Variants in RC3H2 observed in about 807,000 individuals in gnomAD.
The protein encoded by RC3H2 is ring finger and CCCH-type domains 2.
A neutral mutation model predicts 133.3 loss-of-function variants in RC3H2; 31 were observed. The ratio of observed to expected loss-of-function variants is 0.23; its 90% CI spans 0.17 to 0.31. The LOEUF (loss-of-function observed/expected upper bound fraction) is 0.31. Among genes scored for constraint, RC3H2 ranks in the 10% least tolerant of loss-of-function variants. The pLI is 1.00. For synonymous variants in RC3H2, 517 were observed against 502.2 expected (o/e 1.03, Z -0.40); for missense variants, 1,175 against 1,437.2 (o/e 0.82, Z 2.95).
At chr9:122,871,233 C>A (rs1205903808) in intron 9 of RC3H2, among the ~76,000 whole-genome samples, 1 of 152,180 alleles carries the variant, frequency 6.6e-6, no homozygotes, top group Admixed American at 6.5e-5. Context: ...TCCTCTAAGA[C>A]TTCACTGAGG....
rs533526754 is a variant in RC3H2 at position 122,846,048 on chromosome 9, T to C, written c.*3579A>G. 1.8e-4 allele frequency: 27 copies of C among 152,364 alleles called. No individual in the cohort carries two copies. The highest frequency in any genetic ancestry group is 2.6e-4 in the Non-Finnish European group (18 of 68,030). The allele number at this position is 152,364 out of a possible 1,614,324, so 9.4% of individuals were successfully genotyped here. ...GTTAACAAGACAACATAGGCTTTAA[T>C]GTCTAAAATCCAAAAGCAAACTAGA... On this transcript the variant is annotated 3_prime_UTR_variant, in exon 21 of 21. Coordinates refer to ENST00000357244, the MANE Select transcript of RC3H2 (RefSeq NM_001100588.3).
chr9:122,895,390 A>C (rs1319223763), intron 2 of RC3H2, among the ~76,000 whole-genome samples: 3 of 134,096 alleles, frequency 2.2e-5, no homozygotes, highest in Non-Finnish European at 3.1e-5. Context: ...CTAGTCTCGA[A>C]CTCCTGGCCT....
At chr9:122,883,088 C>G in intron 5 of RC3H2, 116 bp downstream of exon 5, 4 of 943,456 alleles carry the variant, frequency 4.2e-6, no homozygotes, top group Non-Finnish European at 6.3e-6. Flanking sequence ...GGAAAGTTTC[C>G]TCTCAACTCT....
At chr9:122,896,855 T>C in intron 2 of RC3H2, among the ~76,000 whole-genome samples, 1 of 151,466 alleles carries the variant, frequency 6.6e-6, no homozygotes, top group East Asian at 1.9e-4. Context: ...AAACCCCGTC[T>C]CTACTAAAAA....
chr9:122,852,683 G>A (rs1474747150), intron 18 of RC3H2, among the ~76,000 whole-genome samples: 11 of 146,956 alleles, frequency 7.5e-5, no homozygotes, highest in Admixed American at 6.7e-4. Flanking sequence ...GGTGAGGGGC[G>A]CCTCTGCCCT....
chr9:122,901,427 A>G (rs1043109565), intron 1 of RC3H2, among the ~76,000 whole-genome samples: 7 of 152,188 alleles, frequency 4.6e-5, no homozygotes, highest in Non-Finnish European at 8.8e-5. Context: ...GAAACTCAGT[A>G]CTGGAGAAAA....
Position 122,899,632 on chromosome 9 carries a change from T to G in RC3H2, c.-67-2056A>C, listed in dbSNP as rs985311231. 4.3e-4 allele frequency among the ~76,000 whole-genome samples: 65 copies of G among 152,228 alleles called. 1 individual carries two copies. The highest frequency in any genetic ancestry group is 4.4e-5 in the Non-Finnish European group (3 of 68,042). ...AAAACCAATTAGTTTCCTTCCAACTTTAGAGATAAGCACTGAGCAGATGAA... is the reference window on the plus strand; with the variant it reads ...AAAACCAATTAGTTTCCTTCCAACTGTAGAGATAAGCACTGAGCAGATGAA... On this transcript the variant is annotated intron_variant, in intron 1 of 20. Transcript: ENST00000357244.
intron 2 of RC3H2, 77 bp from the exon 3 acceptor site, chr9:122,893,103 A>G: frequency 6.5e-7 from 1 of 1,529,436 alleles, no homozygotes; most frequent in Non-Finnish European, 8.8e-7. Context: ...GTACTTGATA[A>G]TAATCTTGGT....
rs566330451 is a variant in RC3H2 at position 122,880,765 on chromosome 9, T to G, written c.789A>C (p.Leu263=). 1.2e-6 allele frequency: 2 copies of G among 1,613,864 alleles called. No homozygotes were observed. The highest frequency in any genetic ancestry group is 2.2e-5 in the East Asian group (1 of 44,860). ...KVTKRDEDSS[L]MQLKEEFRSY... is the part of the protein sequence containing the mutation. Reference sequence around the variant, plus strand: ...TCCGAAATTCCTCCTTCAGCTGCATTAGGGAAGAGTCTTCATCTCTTTTGG... The same window carrying G: ...TCCGAAATTCCTCCTTCAGCTGCATGAGGGAAGAGTCTTCATCTCTTTTGG... The change falls in exon 6 of 21, where the codon CTA becomes CTC. Residue 263 remains leucine (L), a synonymous_variant. Transcript: ENST00000357244.
intron 10 of RC3H2, among the ~76,000 whole-genome samples, chr9:122,860,376 C>T (rs1194855516): frequency 2.0e-5 from 3 of 149,604 alleles, no homozygotes; most frequent in Non-Finnish European, 3.0e-5. Context: ...CAGATATTAA[C>T]GTGATTCATT....
At chr9:122,896,268 T>C (rs1450592146) in intron 2 of RC3H2, among the ~76,000 whole-genome samples, 1 of 152,324 alleles carries the variant, frequency 6.6e-6, no homozygotes, top group East Asian at 1.9e-4. Context: ...CATTGGTTTT[T>C]GGTTTTCCAT....
Position 122,858,090 on chromosome 9 carries a change from G to T in RC3H2, c.2287C>A (p.Pro763Thr). ...CAACTGGTCTTCAAATGACCACAAG[G>T]TTCCTAATGGGGGATAAAAGAAACA... is the stretch of plus-strand genomic sequence containing the variant. ...PRTTVPLPRE[P>T]CGHLKTSCEE... Residue 763 changes from proline (P) to threonine (T), a missense_variant, in exon 13 of 21, where the codon CCT becomes ACT. Around this residue, in one of 8 missense-constraint regions of RC3H2, gnomAD observed 490 missense variants for 492.8 expected, o/e 0.99. Transcript: ENST00000357244. 1.2e-6 allele frequency: 2 copies of T among 1,613,776 alleles called. No homozygotes were observed. Among genetic ancestry groups the T allele is most frequent in the Admixed American group, 1.7e-5 (1 of 59,962 alleles).
chr9:122,850,364 T>C (rs1829973630), intron 20 of RC3H2, among the ~76,000 whole-genome samples: 1 of 152,062 alleles, frequency 6.6e-6, no homozygotes, highest in African/African-American at 2.4e-5. Context: ...TAAGCCCATA[T>C]TTTTGGCAGT....
intron 18 of RC3H2, among the ~76,000 whole-genome samples, chr9:122,852,288 C>G (rs1192158290): frequency 1.5e-4 from 22 of 146,388 alleles, no homozygotes; most frequent in African/African-American, 5.2e-4. Context: ...AAGTGAGGAG[C>G]CTCTCCGCCC....
Position 122,859,007 on chromosome 9 carries a change from G to A in RC3H2, c.1945C>T (p.Pro649Ser). The change falls in exon 12 of 21, where the codon CCT (proline) becomes TCT (serine). Residue 649 changes from proline (P) to serine (S), a missense_variant. Physicochemically the swap from Pro to Ser is moderately conservative, Grantham distance 74. Around this residue, in one of 8 missense-constraint regions of RC3H2, gnomAD observed 490 missense variants for 492.8 expected, o/e 0.99. Transcript: ENST00000357244. ...SNNVPESSLP[P>S]ASMPYADHYS... ...TGATCGGCATATGGCATGGAAGCAG[G>A]TGGGAGGGAGGACTCTGGAACGTTA... 6.2e-7 allele frequency: 1 copy of A among 1,614,060 alleles called. No homozygotes were observed. Among genetic ancestry groups the A allele is most frequent in the South Asian group, 1.1e-5 (1 of 91,076 alleles).
At position 122,890,406 on chromosome 9, in the gene RC3H2, T is replaced by C. The variant is rs1221292402; in HGVS notation, c.489A>G (p.Val163=). 1 of 1,614,164 alleles carries C rather than the reference T, an allele frequency of 6.2e-7. No individual in the cohort carries two copies. The highest frequency in any genetic ancestry group is 2.2e-5 in the East Asian group (1 of 44,874). Residue 163 remains valine (V), a synonymous_variant, in exon 4 of 21, where the codon GTA becomes GTG. Coordinates refer to ENST00000357244, the MANE Select transcript of RC3H2 (RefSeq NM_001100588.3). Reference sequence around the variant, plus strand: ...TCTGGTGCTGTAATATCAGTTCTGTTACAGTTCTTTCTCCAAGGGAACGAG... The same window carrying C: ...TCTGGTGCTGTAATATCAGTTCTGTCACAGTTCTTTCTCCAAGGGAACGAG... The part of the protein sequence containing the change: ...RAARSLGERT[V]TELILQHQNP...
intron 13 of RC3H2, among the ~76,000 whole-genome samples, chr9:122,857,090 A>AG (rs1245701042): frequency 1.3e-5 from 2 of 152,192 alleles, no homozygotes; most frequent in Non-Finnish European, 2.9e-5. Flanking sequence ...CAGGGGGAAG[A>AG]GGGGGTATAA....
chr9:122,870,146 G>A (rs572139260), intron 9 of RC3H2, among the ~76,000 whole-genome samples: 1 of 152,028 alleles, frequency 6.6e-6, no homozygotes, highest in East Asian at 1.9e-4. Context: ...AGGCTGAGGC[G>A]AGTGGATTAC....
chr9:122,900,918 C>T (rs968891841), intron 1 of RC3H2, among the ~76,000 whole-genome samples: 2 of 152,102 alleles, frequency 1.3e-5, no homozygotes, highest in African/African-American at 4.8e-5. Flanking sequence ...AACAATTTTT[C>T]GCTCAAATAA....
Sources: allele counts gnomAD v4.1 joint callset (sites outside exome capture counted in the v4.1 genomes callset), GRCh38; gene constraint gnomAD v4.1.1; regional missense constraint gnomAD v4.1.1; transcripts MANE v1.5; gene names NCBI Gene and HGNC (gene_info 2026-07-23, HGNC 2026-07-21).